Variants in EYS observed in about 807,000 individuals in gnomAD.
EYS encodes the protein protein eyes shut homolog.
EYS carries 250 observed loss-of-function variants against 282.1 expected under a neutral mutation model. The ratio of observed to expected loss-of-function variants is 0.89; its 90% CI spans 0.80 to 0.98. EYS has a LOEUF of 0.98. EYS is among the 50% of genes least tolerant of loss of function. The probability of loss-of-function intolerance (pLI) is 0.00; values close to 1 mark genes in which losing one functional copy is unlikely to be tolerated. For missense variants in EYS, 4,016 were observed against 3,709.0 expected (o/e 1.08, Z -2.15); for synonymous variants, 1,355 against 1,282.9 (o/e 1.06, Z -1.20).
intron 22 of EYS, among the ~76,000 whole-genome samples, chr6:64,669,919 GT>G (rs374769459): frequency 1.1e-4 from 16 of 152,268 alleles, no homozygotes; most frequent in African/African-American, 3.8e-4. Context: ...TAGATAGGTT[GT>G]TTAAGTTCCT....
intron 8 of EYS, among the ~76,000 whole-genome samples, chr6:65,370,193 C>CT (rs1347799934): frequency 6.7e-6 from 1 of 149,356 alleles, no homozygotes; most frequent in African/African-American, 2.4e-5. Context: ...AATGCCTCTT[C>CT]TTTCTTTCTT....
At chr6:65,702,848 G>A (rs1422266490) in intron 1 of EYS, among the ~76,000 whole-genome samples, 1 of 152,058 alleles carries the variant, frequency 6.6e-6, no homozygotes, top group Non-Finnish European at 1.5e-5. Flanking sequence ...AACTTGGCTA[G>A]GCCATGGTGC....
chr6:64,415,705 T>C (rs186685646), intron 28 of EYS, among the ~76,000 whole-genome samples: 1 of 152,336 alleles, frequency 6.6e-6, no homozygotes, highest in East Asian at 1.9e-4. Context: ...TTTGAAAGTA[T>C]GCTTACTCAA....
In EYS at chr6:64,035,058, T is replaced by C. The variant is rs79602085; in HGVS notation, c.6725+31280A>G. Among the ~76,000 whole-genome samples the C allele has an allele frequency of 5.1e-3, 772 of 152,298 alleles. 5 individuals are homozygous for C. The highest frequency in any genetic ancestry group is 0.018 in the African/African-American group (740 of 41,560). On this transcript the variant is annotated intron_variant, in intron 33 of 42. Transcript: ENST00000503581. Reference sequence around the variant, plus strand: ...AAGGGTGGGGTGGAGGCTACTGACATGTAGCATAGAGAAGCCAGGGATACT... The same window carrying C: ...AAGGGTGGGGTGGAGGCTACTGACACGTAGCATAGAGAAGCCAGGGATACT...
intron 2 of EYS, among the ~76,000 whole-genome samples, chr6:65,606,404 AC>A (rs1355935473): frequency 6.6e-6 from 1 of 151,904 alleles, no homozygotes; most frequent in Non-Finnish European, 1.5e-5. Context: ...TAAATAAAAT[AC>A]CATTTTCGTA....
At chr6:63,725,437 A>G (rs1768578636) in intron 42 of EYS, among the ~76,000 whole-genome samples, 1 of 152,084 alleles carries the variant, frequency 6.6e-6, no homozygotes, top group Non-Finnish European at 1.5e-5. Context: ...CCCACTTAAC[A>G]TTAATTTTGA....
intron 22 of EYS, among the ~76,000 whole-genome samples, chr6:64,688,148 A>G (rs1171505212): frequency 6.6e-6 from 1 of 151,266 alleles, no homozygotes; most frequent in Admixed American, 6.6e-5. Context: ...GCGGTCAATC[A>G]ATCTTGTGGA....
chr6:63,899,051 G>A (rs1008489654), intron 35 of EYS, among the ~76,000 whole-genome samples: 32 of 152,126 alleles, frequency 2.1e-4, no homozygotes, highest in Admixed American at 2.1e-3. Flanking sequence ...AGGTTAAGCT[G>A]AAAACAGCTA....
intron 13 of EYS, among the ~76,000 whole-genome samples, chr6:65,032,136 T>C (rs187783471): frequency 2.6e-5 from 4 of 151,400 alleles, no homozygotes; most frequent in Admixed American, 2.6e-4. Flanking sequence ...AACTAGAAAA[T>C]CTAAAATAAG....
At chr6:65,023,378 A>G (rs1772305640) in intron 13 of EYS, among the ~76,000 whole-genome samples, 1 of 152,194 alleles carries the variant, frequency 6.6e-6, no homozygotes, top group African/African-American at 2.4e-5. Context: ...ACTGGAACAG[A>G]TATAATACTC....
chr6:64,905,741 A>C (rs929173640), intron 16 of EYS, among the ~76,000 whole-genome samples: 1 of 152,130 alleles, frequency 6.6e-6, no homozygotes, highest in Non-Finnish European at 1.5e-5. Flanking sequence ...TAATGTATGG[A>C]ACAGAGTACA....
chr6:64,096,100 A>G (rs984775045), intron 31 of EYS, among the ~76,000 whole-genome samples: 1 of 152,206 alleles, frequency 6.6e-6, no homozygotes, highest in Non-Finnish European at 1.5e-5. Flanking sequence ...TCTGGCTTGT[A>G]GAGTTTCTGC....
intron 1 of EYS, among the ~76,000 whole-genome samples, chr6:65,688,305 C>T (rs914320443): frequency 2.6e-5 from 4 of 152,084 alleles, no homozygotes; most frequent in African/African-American, 9.7e-5. Context: ...TGATCTTTGA[C>T]AAGGCTGACA....
intron 26 of EYS, among the ~76,000 whole-genome samples, chr6:64,567,509 A>G (rs1460177440): frequency 6.6e-6 from 1 of 152,212 alleles, no homozygotes; most frequent in Non-Finnish European, 1.5e-5. Flanking sequence ...TTCACTGTCC[A>G]GTGAAAGGAG....
intron 12 of EYS, among the ~76,000 whole-genome samples, chr6:65,169,882 G>A (rs1374921342): frequency 1.3e-5 from 2 of 151,446 alleles, no homozygotes; most frequent in Non-Finnish European, 3.0e-5. Context: ...TACACATTGA[G>A]AAGAGATTCA....
At chr6:65,192,736 T>A (rs940238020) in intron 12 of EYS, among the ~76,000 whole-genome samples, 2 of 151,768 alleles carry the variant, frequency 1.3e-5, no homozygotes, top group Non-Finnish European at 2.9e-5. Flanking sequence ...CAAGAGAGAC[T>A]GGGTTAGCTC....
At chr6:63,951,044 T>A (rs139513580) in intron 35 of EYS, among the ~76,000 whole-genome samples, 31 of 152,054 alleles carry the variant, frequency 2.0e-4, no homozygotes, top group African/African-American at 7.2e-4. Context: ...ACCCTTAGTG[T>A]CAAGCACCAC....
intron 26 of EYS, among the ~76,000 whole-genome samples, chr6:64,481,713 C>T (rs1055737456): frequency 6.6e-5 from 10 of 151,416 alleles, no homozygotes; most frequent in African/African-American, 1.7e-4. Context: ...ATCAAAGAAT[C>T]TCGGTGTTAC....
intron 14 of EYS, among the ~76,000 whole-genome samples, chr6:64,962,921 A>C (rs2150106972): frequency 6.6e-6 from 1 of 152,306 alleles, no homozygotes; most frequent in South Asian, 2.1e-4. Context: ...GAGGCTTAAA[A>C]ATGTGTGCCC....
Sources: allele counts gnomAD v4.1 joint callset (sites outside exome capture counted in the v4.1 genomes callset), GRCh38; gene constraint gnomAD v4.1.1; transcripts MANE v1.5; gene names NCBI Gene and HGNC (gene_info 2026-07-23, HGNC 2026-07-21).